The following TRPM7 variants were observed in gnomAD, a reference collection of about 807,000 sequenced individuals.
TRPM7 encodes the protein LTRPC ion channel family member 7.
TRPM7 carries 134 observed loss-of-function variants against 229.7 expected under a neutral mutation model. That is an observed-to-expected ratio of 0.58 (90% CI 0.51 to 0.67). TRPM7 has a LOEUF of 0.67. Ranked by LOEUF, TRPM7 falls within the 30% of genes least tolerant of loss-of-function variation. TRPM7 has a pLI of 0.00. For missense variants in TRPM7, 1,901 were observed against 2,210.0 expected, an observed-to-expected ratio of 0.86 and a Z score of 2.80; for synonymous variants, 699 against 715.2, an observed-to-expected ratio of 0.98 and a Z score of 0.36.
chr15:50,596,774 G>A (rs550856106), intron 22 of TRPM7, among the ~76,000 whole-genome samples: 2 of 152,044 alleles, frequency 1.3e-5, no homozygotes, highest in South Asian at 4.1e-4. Context: ...CCCCTGAGAC[G>A]GAGTCTTGCT....
Position 50,592,148 on chromosome 15 carries a change from G to A in TRPM7, c.4087C>T (p.Pro1363Ser). Residue 1363 changes from proline to serine, a missense_variant, in exon 26 of 39, where the codon CCA becomes TCA. Coordinates refer to ENST00000646667, the MANE Select transcript of TRPM7 (RefSeq NM_017672.6). ...CCATGTAGTCTCTGTCGCAGTTCTGGAGGGGAAACAGCACTTGGGAATAAG... is the reference window on the plus strand; with the variant it reads ...CCATGTAGTCTCTGTCGCAGTTCTGAAGGGGAAACAGCACTTGGGAATAAG... ...GALFPSAVSP[P>S]ELRQRLHGVE... The A allele has an allele frequency of 6.2e-7, 1 of 1,613,818 alleles. No homozygotes were observed. Among genetic ancestry groups the A allele is most frequent in the Non-Finnish European group, 8.5e-7 (1 of 1,179,906 alleles).
At chr15:50,561,988 G>A (rs2053337100) in intron 38 of TRPM7, among the ~76,000 whole-genome samples, 180 bp from the exon 39 acceptor site, 1 of 152,036 alleles carries the variant, frequency 6.6e-6, no homozygotes. Flanking sequence ...TCCACCTCCC[G>A]GGTTCAAGCG....
intron 28 of TRPM7, among the ~76,000 whole-genome samples, chr15:50,585,915 T>C (rs762542533): frequency 9.9e-5 from 15 of 152,172 alleles, no homozygotes; most frequent in African/African-American, 1.7e-4. Flanking sequence ...AGGTATAAGA[T>C]TGTACTGTCA....
In TRPM7 at chr15:50,570,162, ATG is replaced by A. The variant is rs749226483; in HGVS notation, c.5309-9_5309-8del. On this transcript the variant is annotated splice_polypyrimidine_tract_variant and splice_region_variant and intron_variant, in intron 36 of 38. Coordinates refer to ENST00000646667, the MANE Select transcript of TRPM7 (RefSeq NM_017672.6). ...GTCAAATTTTCACCAACACCTTTAT[ATG>A]TGTATATAAAAAAGACAAATAATTT... is the stretch of plus-strand genomic sequence containing the variant. The A allele has an allele frequency of 6.3e-7, 1 of 1,583,876 alleles. No homozygotes were observed. The highest frequency in any genetic ancestry group is 2.2e-5 in the East Asian group (1 of 44,510).
chr15:50,610,344 T>C (rs1285307381), intron 17 of TRPM7, among the ~76,000 whole-genome samples: 2 of 152,138 alleles, frequency 1.3e-5, no homozygotes, highest in African/African-American at 4.8e-5. Context: ...CTAAATCTCT[T>C]TGCAAGTGTT....
Position 50,594,481 on chromosome 15 carries a change from CAG to C in TRPM7, c.3421_3422del (p.Leu1141ValfsTer6), listed in dbSNP as rs2059586446. 6.2e-7 allele frequency: 1 copy of C among 1,613,026 alleles called. No homozygotes were observed. The highest frequency in any genetic ancestry group is 8.5e-7 in the Non-Finnish European group (1 of 1,179,646). On this transcript the variant is annotated frameshift_variant, in exon 24 of 39. Coordinates refer to ENST00000646667, the MANE Select transcript of TRPM7 (RefSeq NM_017672.6). LOFTEE classifies it high-confidence loss of function. ...PLIILSHIVS[L>X]FCCICKRRKK... Reference sequence around the variant, plus strand: ...TTCTTCTCTTACATATGCAGCAAAACAGAGAAACTATATGGCTAAGAATGATA... The same window carrying C: ...TTCTTCTCTTACATATGCAGCAAAACAGAAACTATATGGCTAAGAATGATA...
At chr15:50,679,259 T>G (rs2062174100) in intron 1 of TRPM7, among the ~76,000 whole-genome samples, 1 of 150,316 alleles carries the variant, frequency 6.7e-6, no homozygotes, top group South Asian at 2.1e-4. Context: ...CACTTGAGCC[T>G]AGGAGGTTGG....
intron 4 of TRPM7, among the ~76,000 whole-genome samples, chr15:50,643,909 G>A (rs2061184354): frequency 6.6e-6 from 1 of 151,124 alleles, no homozygotes; most frequent in African/African-American, 2.4e-5. Context: ...ATTAAGACTG[G>A]CTGAAGAGGA....
intron 2 of TRPM7, among the ~76,000 whole-genome samples, chr15:50,659,421 T>A (rs953660790): frequency 2.6e-5 from 4 of 152,202 alleles, no homozygotes; most frequent in Non-Finnish European, 4.4e-5. Flanking sequence ...GACTTTCACT[T>A]ACAGCATTTG....
At chr15:50,661,817 T>A (rs1291447098) in intron 2 of TRPM7, among the ~76,000 whole-genome samples, 1 of 152,226 alleles carries the variant, frequency 6.6e-6, no homozygotes, top group African/African-American at 2.4e-5. Flanking sequence ...CTTTTGTCAA[T>A]TAATTTTCAT....
intron 1 of TRPM7, among the ~76,000 whole-genome samples, chr15:50,672,985 C>A (rs191164874): frequency 1.4e-5 from 2 of 143,598 alleles, no homozygotes; most frequent in Admixed American, 7.1e-5. Flanking sequence ...GTGTTTTATA[C>A]GAAGTGTTAT....
intron 1 of TRPM7, among the ~76,000 whole-genome samples, chr15:50,670,031 T>G (rs1483017039): frequency 6.6e-6 from 1 of 152,208 alleles, no homozygotes; most frequent in African/African-American, 2.4e-5. Context: ...CTTATTAATC[T>G]TTCAGATATC....
chr15:50,564,431 A>C (rs1248455834), intron 38 of TRPM7, among the ~76,000 whole-genome samples: 1 of 151,988 alleles, frequency 6.6e-6, no homozygotes, highest in Admixed American at 6.6e-5. Context: ...ATGGGACAAG[A>C]AGAAATCACT....
chr15:50,628,311 AC>A, intron 10 of TRPM7, 62 bp from the exon 11 acceptor site: 2 of 1,237,106 alleles, frequency 1.6e-6, no homozygotes, highest in Non-Finnish European at 1.2e-6. Flanking sequence ...AAAGGTGAAC[AC>A]TTTTTTTTTT....
At chr15:50,661,211 G>A (rs71395001) in intron 2 of TRPM7, among the ~76,000 whole-genome samples, 20,988 of 151,830 alleles carry the variant, frequency 0.14, 1,490 homozygotes, top group Middle Eastern at 0.2. Context: ...TCCTGACCTC[G>A]TGATCCGCCC....
At chr15:50,614,291 G>A in intron 13 of TRPM7, 28 bp from the exon 14 acceptor site, 1 of 1,575,178 alleles carries the variant, frequency 6.3e-7, no homozygotes, top group Non-Finnish European at 8.6e-7. Context: ...GTTTTAAATA[G>A]ATCAGATAGC....
intron 7 of TRPM7, 46 bp downstream of exon 7, chr15:50,637,376 C>T (rs368930082): frequency 1.1e-5 from 17 of 1,554,890 alleles, no homozygotes; most frequent in Non-Finnish European, 8.8e-7. Context: ...GCTATTAGTA[C>T]AGCCCAGGAC....
intron 30 of TRPM7, 80 bp from the exon 31 acceptor site, chr15:50,578,744 CAATT>C (rs1566947637): frequency 6.0e-5 from 58 of 962,436 alleles, no homozygotes; most frequent in Non-Finnish European, 7.6e-5. Context: ...TGATTTTATA[CAATT>C]ATTATATAAA....
rs773362160 is a variant in TRPM7 at position 50,599,335 on chromosome 15, T to A, written c.2989-39A>T. On this transcript the variant is annotated intron_variant, in intron 21 of 38. Coordinates refer to ENST00000646667, the MANE Select transcript of TRPM7 (RefSeq NM_017672.6). Reference sequence around the variant, plus strand: ...AACACTGTTAAAATACAAGGAAGTTTAAACACTATGACAAATCTTTCTAAA... The same window carrying A: ...AACACTGTTAAAATACAAGGAAGTTAAAACACTATGACAAATCTTTCTAAA... 27 of 1,461,316 alleles carry A rather than the reference T, an allele frequency of 1.8e-5. No individual in the cohort carries two copies. The East Asian group carries it at 6.0e-4, about 32-fold the overall frequency. The allele number at this position is 1,461,316 out of a possible 1,614,324, so 90.5% of individuals were successfully genotyped here. A position where few individuals can be genotyped will look rare whatever the true frequency, so the allele number is the denominator to read the frequency against.
Sources: allele counts gnomAD v4.1 joint callset (sites outside exome capture counted in the v4.1 genomes callset), GRCh38; gene constraint gnomAD v4.1.1; transcripts MANE v1.5; gene names NCBI Gene and HGNC (gene_info 2026-07-23, HGNC 2026-07-21).